Variants in RPS11 observed in about 807,000 individuals in gnomAD.
RPS11 encodes ribosomal protein S11.
For missense variants in RPS11, 127 were observed against 211.4 expected, an observed-to-expected ratio of 0.60 and a Z score of 2.48; for synonymous variants, 107 against 78.0, an observed-to-expected ratio of 1.37 and a Z score of -1.96.
chr19:49,496,440 T>A lies in RPS11; in HGVS notation c.-17T>A, dbSNP rs757335303. ...CGGACGCTGCTGCCCCTTTCTTTTTTTCAGGCGGCCGGGAAGATGGCGGAC... is the reference window on the plus strand; with the variant it reads ...CGGACGCTGCTGCCCCTTTCTTTTTATCAGGCGGCCGGGAAGATGGCGGAC... On this transcript the variant is annotated 5_prime_UTR_variant, in exon 1 of 5. Coordinates refer to ENST00000270625, the MANE Select transcript of RPS11 (RefSeq NM_001015.5). 3 of 1,612,180 alleles carry A rather than the reference T, an allele frequency of 1.9e-6. No individual in the cohort carries two copies. The African/African-American group carries it at 4.0e-5, about 22-fold the overall frequency.
At chr19:49,498,352 T>C in intron 4 of RPS11, 1 of 383,802 alleles carries the variant, frequency 2.6e-6, no homozygotes, top group South Asian at 2.5e-5. Flanking sequence ...CTTATTCACA[T>C]AGCCTGAAAG....
intron 4 of RPS11, among the ~76,000 whole-genome samples, chr19:49,498,789 AATTTTTGG>A (rs2079920404): frequency 6.6e-6 from 1 of 152,148 alleles, no homozygotes; most frequent in African/African-American, 2.4e-5. Flanking sequence ...AGCGTTTCAG[AATTTTTGG>A]ATTAGGGTGC....
intron 1 of RPS11, 27 bp downstream of exon 1, chr19:49,496,498 G>A: frequency 1.9e-6 from 3 of 1,605,692 alleles, no homozygotes; most frequent in Non-Finnish European, 2.6e-6. Context: ...GGATGCCAGG[G>A]TGCGGGGTCC....
chr19:49,497,127 C>T, intron 1 of RPS11, 67 bp from the exon 2 acceptor site: 1 of 1,596,168 alleles, frequency 6.3e-7, no homozygotes, highest in Non-Finnish European at 8.5e-7. Flanking sequence ...CTGGGAAGGT[C>T]TCTAGGGCTG....
chr19:49,499,191 A>G (rs2079922368), intron 4 of RPS11, among the ~76,000 whole-genome samples: 2 of 152,154 alleles, frequency 1.3e-5, no homozygotes, highest in East Asian at 1.9e-4. Context: ...TCAGTGCTGC[A>G]GGATCCCCCT....
At chr19:49,498,784 T>C (rs1033751181) in intron 4 of RPS11, among the ~76,000 whole-genome samples, 2 of 152,138 alleles carry the variant, frequency 1.3e-5, no homozygotes, top group Non-Finnish European at 2.9e-5. Context: ...TTTGCAGCGT[T>C]TCAGAATTTT....
chr19:49,497,689 A>G, intron 3 of RPS11, 94 bp downstream of exon 3: 6 of 1,277,432 alleles, frequency 4.7e-6, no homozygotes, highest in Admixed American at 3.4e-5. Context: ...AGGGGTGGTT[A>G]GGAATGCAAA....
chr19:49,497,823 C>G, intron 3 of RPS11, 94 bp from the exon 4 acceptor site: 1 of 1,555,240 alleles, frequency 6.4e-7, no homozygotes, highest in East Asian at 2.2e-5. Flanking sequence ...TTTTTGGGAT[C>G]CCTGCTCAGC....
intron 4 of RPS11, 198 bp downstream of exon 4, chr19:49,498,244 G>T (rs2079917289): frequency 3.3e-6 from 2 of 602,264 alleles, no homozygotes; most frequent in South Asian, 3.9e-5. Flanking sequence ...TACCTGAAAT[G>T]CTTGGAACCA....
At chr19:49,499,425 C>A (rs2079923524) in intron 4 of RPS11, 87 bp from the exon 5 acceptor site, 2 of 1,453,738 alleles carry the variant, frequency 1.4e-6, no homozygotes, top group Non-Finnish European at 9.5e-7. Flanking sequence ...AAGCAGAGAG[C>A]CTTTAGCCTG....
intron 3 of RPS11, 43 bp from the exon 4 acceptor site, chr19:49,497,874 T>C (rs1249553923): frequency 6.2e-7 from 1 of 1,613,830 alleles, no homozygotes; most frequent in South Asian, 1.1e-5. Flanking sequence ...CCTATGGCCC[T>C]CTTTCCCATG....
chr19:49,497,386 G>GCATCTA, intron 2 of RPS11, 61 bp downstream of exon 2: 4 of 1,609,616 alleles, frequency 2.5e-6, no homozygotes, highest in Non-Finnish European at 2.5e-6. Flanking sequence ...TGCCCACGAC[G>GCATCTA]AGTTGCCCTG....
At chr19:49,498,216 C>T (rs1317593233) in intron 4 of RPS11, 170 bp downstream of exon 4, 5 of 694,794 alleles carry the variant, frequency 7.2e-6, no homozygotes, top group East Asian at 2.8e-5. Flanking sequence ...TCAAAGCGTT[C>T]TACAGGGTGA....
chr19:49,497,355 A>C (rs761020607), intron 2 of RPS11, 30 bp downstream of exon 2: 1 of 1,613,372 alleles, frequency 6.2e-7, no homozygotes, highest in East Asian at 2.2e-5. Context: ...AAAGAAGGGG[A>C]ACCTGGCGTT....
intron 1 of RPS11, 73 bp from the exon 2 acceptor site, chr19:49,497,121 G>GAAGGT (rs1219427817): frequency 6.4e-7 from 1 of 1,573,464 alleles, no homozygotes; most frequent in Non-Finnish European, 8.7e-7. Flanking sequence ...GAGGTTCTGG[G>GAAGGT]AAGGTCTCTA....
At chr19:49,499,424 G>C in intron 4 of RPS11, 88 bp from the exon 5 acceptor site, 1 of 1,442,754 alleles carries the variant, frequency 6.9e-7, no homozygotes, top group Non-Finnish European at 9.5e-7. Context: ...GAAGCAGAGA[G>C]CCTTTAGCCT....
intron 1 of RPS11, 105 bp from the exon 2 acceptor site, chr19:49,497,089 A>T: frequency 7.2e-7 from 1 of 1,386,120 alleles, no homozygotes; most frequent in Non-Finnish European, 9.9e-7. Context: ...CTTTGCAAGT[A>T]AATGTAGAGC....
Position 49,499,651 on chromosome 19 carries a change from C to G in RPS11, c.*16C>G, listed in dbSNP as rs749511796. ...GAAGTTCTGAGGCTGGACATCGGCCCGCTCCCCACAATGAAATAAAGTTAT... is the reference window on the plus strand; with the variant it reads ...GAAGTTCTGAGGCTGGACATCGGCCGGCTCCCCACAATGAAATAAAGTTAT... On this transcript the variant is annotated 3_prime_UTR_variant, in exon 5 of 5. Transcript: ENST00000270625. The G allele has an allele frequency of 4.1e-5, 66 of 1,611,174 alleles. No homozygotes were observed. Among genetic ancestry groups the G allele is most frequent in the Non-Finnish European group, 5.6e-5 (66 of 1,178,574 alleles).
intron 4 of RPS11, among the ~76,000 whole-genome samples, chr19:49,498,584 T>A (rs977782548): frequency 2.0e-5 from 3 of 152,144 alleles, no homozygotes; most frequent in Non-Finnish European, 4.4e-5. Context: ...AAACCCTCTC[T>A]CTACAAAAAA....
Sources: gnomAD v4.1 joint callset for allele counts (sites outside exome capture counted in the v4.1 genomes callset) on GRCh38, gnomAD v4.1.1 for gene constraint, MANE v1.5 for transcripts, NCBI Gene and HGNC (gene_info 2026-07-23, HGNC 2026-07-21) for gene names.